AGBL1: variants seen among roughly 807,000 people sequenced by gnomAD.
AGBL1 encodes AGBL carboxypeptidase 1, also known as cytosolic carboxypeptidase 4.
AGBL1 carries 130 observed loss-of-function variants against 118.9 expected under a neutral mutation model. The observed-to-expected ratio is 1.09, with a 90% confidence interval of 0.95 to 1.26. AGBL1 has a LOEUF of 1.26. AGBL1 is among the 50% of genes most tolerant of loss of function. AGBL1 has a pLI of 0.00. For missense variants in AGBL1, 1,584 were observed against 1,298.1 expected (o/e 1.22, Z -3.38); for synonymous variants, 555 against 478.9 (o/e 1.16, Z -2.08).
intron 22 of AGBL1, among the ~76,000 whole-genome samples, chr15:86,700,915 G>A (rs550402924): frequency 3.3e-5 from 5 of 152,094 alleles, no homozygotes; most frequent in Non-Finnish European, 7.4e-5. Flanking sequence ...AACCCCAAGA[G>A]ACAGTCAGAG....
chr15:86,866,042 C>A (rs1016674952), intron 22 of AGBL1, among the ~76,000 whole-genome samples: 1 of 152,210 alleles, frequency 6.6e-6, no homozygotes, highest in Non-Finnish European at 1.5e-5. Context: ...CCCTTCCCCC[C>A]AAGTTGCACT....
chr15:86,593,670 C>A (rs190100692), intron 21 of AGBL1, among the ~76,000 whole-genome samples: 1 of 152,112 alleles, frequency 6.6e-6, no homozygotes, highest in Non-Finnish European at 1.5e-5. Flanking sequence ...TAAGTTTTGT[C>A]AAAGTATATA....
intron 22 of AGBL1, among the ~76,000 whole-genome samples, chr15:86,819,831 C>A (rs551547563): frequency 6.6e-6 from 1 of 152,072 alleles, no homozygotes; most frequent in African/African-American, 2.4e-5. Flanking sequence ...CCCATATAGC[C>A]AAGACAATCC....
At chr15:86,403,173 A>T (rs559520710) in intron 18 of AGBL1, among the ~76,000 whole-genome samples, 1 of 152,282 alleles carries the variant, frequency 6.6e-6, no homozygotes, top group East Asian at 1.9e-4. Context: ...GAGGGAGAGG[A>T]TAAGTCAAGC....
At chr15:86,787,913 A>G (rs908061668) in intron 22 of AGBL1, among the ~76,000 whole-genome samples, 6 of 152,078 alleles carry the variant, frequency 3.9e-5, no homozygotes, top group Non-Finnish European at 5.9e-5. Context: ...CAAAGAGTCT[A>G]TATATTTTGA....
At chr15:86,113,699 A>G (rs765835965) in intron 1 of AGBL1, among the ~76,000 whole-genome samples, 9 of 152,112 alleles carry the variant, frequency 5.9e-5, no homozygotes, top group Admixed American at 4.6e-4. Context: ...TTCTTTTTCT[A>G]TAATGCCATG....
chr15:86,230,749 T>C (rs1333876013), intron 6 of AGBL1, among the ~76,000 whole-genome samples: 1 of 152,230 alleles, frequency 6.6e-6, no homozygotes, highest in Admixed American at 6.5e-5. Context: ...AGTTAAAATG[T>C]ATATATTTGT....
intron 18 of AGBL1, among the ~76,000 whole-genome samples, chr15:86,495,277 A>G (rs1349257156): frequency 6.6e-6 from 1 of 151,766 alleles, no homozygotes; most frequent in Non-Finnish European, 1.5e-5. Flanking sequence ...AAACAAACAC[A>G]CCCCATTCCA....
rs1033479443 is a variant in AGBL1, at chr15:86,266,846, A to G, written c.1752-144A>G. On this transcript the variant is annotated intron_variant, in intron 12 of 22. Transcript: ENST00000614907. Reference sequence around the variant, plus strand: ...AACCTGGGAGGCGGAGGTTGCAGTGAGCTGACATCCCGCCCTGCACTCCAG... The same window carrying G: ...AACCTGGGAGGCGGAGGTTGCAGTGGGCTGACATCCCGCCCTGCACTCCAG... 8 of 714,362 alleles carry G rather than the reference A, an allele frequency of 1.1e-5. No homozygotes were observed. In the African/African-American group the frequency reaches 1.2e-4, roughly 11 times the overall value. 44.3% of individuals were successfully genotyped at this position (714,362 alleles called of 1,614,324 possible).
intron 18 of AGBL1, among the ~76,000 whole-genome samples, chr15:86,462,911 A>C (rs1319008002): frequency 6.6e-6 from 1 of 152,142 alleles, no homozygotes; most frequent in Non-Finnish European, 1.5e-5. Context: ...ATACATGTGC[A>C]TGTGTATTTA....
Position 86,885,364 on chromosome 15 carries a change from G to A in AGBL1, c.3159-21723G>A, listed in dbSNP as rs1049075216. Among the ~76,000 whole-genome samples, 19 of 152,206 alleles carry A rather than the reference G, an allele frequency of 1.2e-4. 1 individual carries two copies. In the South Asian group the frequency reaches 3.9e-3, roughly 32 times the overall value. On this transcript the variant is annotated intron_variant, in intron 22 of 22. Coordinates refer to ENST00000614907, the MANE Select transcript of AGBL1 (RefSeq NM_001386094.1). Reference sequence around the variant, plus strand: ...CCCTCTGAAGGTACTGACAGCTTTCGCTCACACATCTTGTGAAAAGACAAG... The same window carrying A: ...CCCTCTGAAGGTACTGACAGCTTTCACTCACACATCTTGTGAAAAGACAAG...
intron 18 of AGBL1, among the ~76,000 whole-genome samples, chr15:86,520,641 T>A (rs2083177017): frequency 6.6e-6 from 1 of 152,196 alleles, no homozygotes; most frequent in Non-Finnish European, 1.5e-5. Context: ...TGGACACATG[T>A]ATGCTTGCAT....
chr15:86,859,439 T>C (rs914760349), intron 22 of AGBL1, among the ~76,000 whole-genome samples: 1 of 152,184 alleles, frequency 6.6e-6, no homozygotes, highest in Non-Finnish European at 1.5e-5. Context: ...TGTCATCATA[T>C]AGAAGTAGTG....
intron 21 of AGBL1, among the ~76,000 whole-genome samples, chr15:86,625,147 G>C (rs1358120014): frequency 6.6e-6 from 1 of 152,110 alleles, no homozygotes; most frequent in African/African-American, 2.4e-5. Context: ...GGGGTCAAGA[G>C]ACAATGATTT....
At chr15:86,429,134 C>T (rs1272547022) in intron 18 of AGBL1, among the ~76,000 whole-genome samples, 1 of 152,238 alleles carries the variant, frequency 6.6e-6, no homozygotes, top group African/African-American at 2.4e-5. Context: ...ATCACCAGGT[C>T]ATGAGGACCT....
chr15:86,869,796 A>T (rs1398264618), intron 22 of AGBL1, among the ~76,000 whole-genome samples: 1 of 152,206 alleles, frequency 6.6e-6, no homozygotes, highest in Admixed American at 6.5e-5. Context: ...CCTTATCCCA[A>T]GTGGCCCAAG....
At chr15:86,203,516 G>T (rs1342520364) in intron 5 of AGBL1, among the ~76,000 whole-genome samples, 1 of 152,216 alleles carries the variant, frequency 6.6e-6, no homozygotes, top group Non-Finnish European at 1.5e-5. Context: ...CAGATGAGGA[G>T]TGGATAGTTG....
intron 21 of AGBL1, among the ~76,000 whole-genome samples, chr15:86,629,624 G>A (rs2084935754): frequency 1.3e-5 from 2 of 152,228 alleles, no homozygotes; most frequent in South Asian, 2.1e-4. Flanking sequence ...CATCAGCTTC[G>A]TCCAAGGTAC....
rs200164120 is a variant in AGBL1, at chr15:86,308,959, A to G, written c.2374+13551A>G. ...AGAATTGTTTTATCTATTTCTGTGA[A>G]AAGTATCATTGGAATTTTGATAGAG... is the stretch of plus-strand genomic sequence containing the variant. On this transcript the variant is annotated intron_variant, in intron 17 of 22. Transcript: ENST00000614907. Among the ~76,000 whole-genome samples the G allele has an allele frequency of 9.2e-5, 14 of 152,298 alleles. No homozygotes were observed. In the East Asian group the frequency reaches 1.3e-3, roughly 15 times the overall value.
Sources: gnomAD v4.1 joint callset for allele counts (sites outside exome capture counted in the v4.1 genomes callset) on GRCh38, gnomAD v4.1.1 for gene constraint, MANE v1.5 for transcripts, NCBI Gene and HGNC (gene_info 2026-07-23, HGNC 2026-07-21) for gene names.